Variants in SLC15A1 observed in about 807,000 individuals in gnomAD.
The protein encoded by SLC15A1 is Caco-2 oligopeptide transporter.
In SLC15A1, 83 loss-of-function variants were observed where a neutral mutation model predicts 92.9. That is an observed-to-expected ratio of 0.89 (90% CI 0.75 to 1.07). The LOEUF (loss-of-function observed/expected upper bound fraction) is 1.07, where lower values mean the gene tolerates loss of function less well. Among genes scored for constraint, SLC15A1 ranks in the 50% least tolerant of loss-of-function variants. The probability of loss-of-function intolerance (pLI) is 0.00; values close to 1 mark genes in which losing one functional copy is unlikely to be tolerated. For missense variants in SLC15A1, 857 were observed against 880.1 expected, an observed-to-expected ratio of 0.97 and a Z score of 0.33; for synonymous variants, 322 against 318.2, an observed-to-expected ratio of 1.01 and a Z score of -0.13.
At chr13:98,687,551 G>C (rs1278164827) in intron 21 of SLC15A1, 30 bp downstream of exon 21, 1 of 1,610,700 alleles carries the variant, frequency 6.2e-7, no homozygotes, top group East Asian at 2.2e-5. Context: ...GGGTATTGCA[G>C]ATGGGTGGTA....
In SLC15A1 at chr13:98,697,426, A is replaced by C. The variant is rs1363278539; in HGVS notation, c.1466+5054T>G. 3.3e-5 allele frequency among the ~76,000 whole-genome samples: 5 copies of C among 152,070 alleles called. No homozygotes were observed. In the East Asian group the frequency reaches 9.6e-4, roughly 29 times the overall value. ...TTGTCATGGCAGCCCTACTGACCTC[A>C]TGGAGAAGGAAACAAAGAAGAGGAA... On this transcript the variant is annotated intron_variant, in intron 18 of 22. Coordinates refer to ENST00000376503, the MANE Select transcript of SLC15A1 (RefSeq NM_005073.4).
intron 17 of SLC15A1, among the ~76,000 whole-genome samples, chr13:98,703,794 C>T (rs191255320): frequency 1.8e-4 from 27 of 151,920 alleles, no homozygotes; most frequent in African/African-American, 3.1e-4. Flanking sequence ...TTTTTATGTG[C>T]GAATGACATA....
rs748250739 is a variant in SLC15A1 at position 98,726,148 on chromosome 13, C to T, written c.220G>A (p.Ala74Thr). Residue 74 changes from alanine (A) to threonine (T), a missense_variant, in exon 4 of 23, where the codon GCC (alanine) becomes ACC (threonine). Ala to Thr is a moderately conservative substitution (Grantham distance 58, BLOSUM62 0). Transcript: ENST00000376503. ...TTGAACTTTCCCAGCCACGAGTCGG[C>T]GATAAGAGCTCCGAGAATTGGCGTC... ...YLTPILGALI[A>T]DSWLGKFKTI... 1.1e-5 allele frequency: 17 copies of T among 1,614,042 alleles called. No individual in the cohort carries two copies. The highest frequency in any genetic ancestry group is 6.7e-5 in the East Asian group (3 of 44,880).
At chr13:98,730,992 A>G (rs1289284892) in intron 1 of SLC15A1, among the ~76,000 whole-genome samples, 1 of 152,168 alleles carries the variant, frequency 6.6e-6, no homozygotes, top group Non-Finnish European at 1.5e-5. Flanking sequence ...CCCTCCCTGC[A>G]AGGTCACCTC....
chr13:98,724,433 G>A (rs558569039), intron 4 of SLC15A1, among the ~76,000 whole-genome samples: 1 of 152,316 alleles, frequency 6.6e-6, no homozygotes, highest in South Asian at 2.1e-4. Context: ...GAGTCCAGGA[G>A]GTTGAAGCTG....
At chr13:98,721,097 A>G (rs1324123451) in intron 7 of SLC15A1, 1 of 479,684 alleles carries the variant, frequency 2.1e-6, no homozygotes, top group Admixed American at 2.3e-5. Flanking sequence ...TTTGCCCAGT[A>G]AACTCTTCCT....
At chr13:98,745,909 G>A (rs1377847553) in intron 1 of SLC15A1, among the ~76,000 whole-genome samples, 2 of 151,796 alleles carry the variant, frequency 1.3e-5, no homozygotes, top group South Asian at 2.1e-4. Context: ...AGGGGTACAT[G>A]TGCAGGTTTG....
rs149819086 is a variant in SLC15A1, at chr13:98,709,625, C to T, written c.1014G>A (p.Pro338=). 4.3e-6 allele frequency: 7 copies of T among 1,613,994 alleles called. No individual in the cohort carries two copies. The highest frequency in any genetic ancestry group is 2.2e-5 in the East Asian group (1 of 44,892). Residue 338 remains proline, a synonymous_variant, in exon 14 of 23, where the codon CCG becomes CCA. Transcript: ENST00000376503. ...GAGGGTACAGCACAGCATCGAAGAT[C>T]GGGACCATGATCACGATCAGGATGG... is the stretch of plus-strand genomic sequence containing the variant. ...VNAILIVIMV[P]IFDAVLYPLI... is the part of the protein sequence containing the mutation.
At chr13:98,720,422 C>G (rs1305234007) in intron 7 of SLC15A1, 2 of 152,286 alleles carry the variant, frequency 1.3e-5, no homozygotes, top group Non-Finnish European at 2.9e-5. Flanking sequence ...AAAGCTGTTA[C>G]ATTTTTATAC....
intron 17 of SLC15A1, among the ~76,000 whole-genome samples, chr13:98,703,218 A>G (rs1431877130): frequency 7.2e-6 from 1 of 139,576 alleles, no homozygotes; most frequent in East Asian, 2.4e-4. Flanking sequence ...AAGGAAGGAG[A>G]AAAGAGAAGA....
At chr13:98,688,705 C>A in intron 18 of SLC15A1, 128 bp from the exon 19 acceptor site, 1 of 698,292 alleles carries the variant, frequency 1.4e-6, no homozygotes, top group Non-Finnish European at 2.4e-6. Context: ...CAGAATATTT[C>A]TAGAGAATAA....
At position 98,737,767 on chromosome 13, in the gene SLC15A1, T is replaced by A. The variant is rs575744921; in HGVS notation, c.5-10908A>T. On this transcript the variant is annotated intron_variant, in intron 1 of 22. Transcript: ENST00000376503. The stretch of plus-strand genomic sequence containing the variant: ...GGTACTGAGGAATGGGTCATTGCTA[T>A]AAAGATACCTGAAAATGTAGAAGAG... Among the ~76,000 whole-genome samples the A allele has an allele frequency of 1.1e-3, 164 of 152,306 alleles. 1 individual carries two copies. The highest frequency in any genetic ancestry group is 3.8e-3 in the African/African-American group (158 of 41,572).
At chr13:98,730,110 C>T (rs913312418) in intron 1 of SLC15A1, among the ~76,000 whole-genome samples, 10 of 151,480 alleles carry the variant, frequency 6.6e-5, no homozygotes, top group African/African-American at 1.7e-4. Context: ...GCAGAAGAAT[C>T]GCTTGAGCTT....
At chr13:98,736,729 C>G (rs1000684029) in intron 1 of SLC15A1, among the ~76,000 whole-genome samples, 1 of 152,104 alleles carries the variant, frequency 6.6e-6, no homozygotes, top group Non-Finnish European at 1.5e-5. Context: ...GCAGCCAACA[C>G]ACACATAAAA....
At chr13:98,697,509 G>A (rs190878162) in intron 18 of SLC15A1, among the ~76,000 whole-genome samples, 162 of 151,752 alleles carry the variant, frequency 1.1e-3, no homozygotes, top group Non-Finnish European at 1.9e-3. Context: ...TACAATTATA[G>A]CCATGTTTAG....
intron 16 of SLC15A1, among the ~76,000 whole-genome samples, chr13:98,705,418 T>C (rs1435008734): frequency 6.6e-6 from 1 of 152,102 alleles, no homozygotes; most frequent in African/African-American, 2.4e-5. Flanking sequence ...GGCTTCTACA[T>C]GAGATGCCAG....
At chr13:98,729,905 T>C (rs761213120) in intron 1 of SLC15A1, among the ~76,000 whole-genome samples, 2 of 152,006 alleles carry the variant, frequency 1.3e-5, no homozygotes, top group Non-Finnish European at 2.9e-5. Flanking sequence ...TCCTACCAGA[T>C]GGTCTTGCAT....
chr13:98,689,864 C>T (rs1393430977), intron 18 of SLC15A1, among the ~76,000 whole-genome samples: 1 of 152,224 alleles, frequency 6.6e-6, no homozygotes, highest in East Asian at 1.9e-4. Flanking sequence ...ATAAGACCGA[C>T]TTCCAGGTCC....
In SLC15A1 at chr13:98,708,774, G is replaced by A; in HGVS notation, c.1068-7C>T. On this transcript the variant is annotated splice_region_variant and splice_polypyrimidine_tract_variant and intron_variant, in intron 14 of 22. Transcript: ENST00000376503. ...TGCCATCTTCTTCAAGGAGCTGATG[G>A]CACAAGAGAAGAGTGACTCTCAACC... 1 of 1,606,690 alleles carries A rather than the reference G, an allele frequency of 6.2e-7. No homozygotes were observed.
Sources: gnomAD v4.1 joint callset for allele counts (sites outside exome capture counted in the v4.1 genomes callset) on GRCh38, gnomAD v4.1.1 for gene constraint, MANE v1.5 for transcripts, NCBI Gene and HGNC (gene_info 2026-07-23, HGNC 2026-07-21) for gene names.